ROBO2: variants seen among roughly 807,000 people sequenced by gnomAD.
The protein encoded by ROBO2 is roundabout homolog 2.
In ROBO2, 53 loss-of-function variants were observed where a neutral mutation model predicts 160.8. The ratio of observed to expected loss-of-function variants is 0.33; its 90% CI spans 0.26 to 0.41. The LOEUF (loss-of-function observed/expected upper bound fraction) is 0.41, where lower values mean the gene tolerates loss of function less well. Ranked by LOEUF, ROBO2 falls within the 10% of genes least tolerant of loss-of-function variation. ROBO2 has a pLI of 1.00. For synonymous variants in ROBO2, 664 were observed against 611.7 expected, an observed-to-expected ratio of 1.09 and a Z score of -1.26; for missense variants, 1,577 against 1,722.4, an observed-to-expected ratio of 0.92 and a Z score of 1.49.
intron 2 of ROBO2, among the ~76,000 whole-genome samples, chr3:76,138,981 CA>C (rs2071531280): frequency 6.6e-6 from 1 of 152,226 alleles, no homozygotes; most frequent in East Asian, 1.9e-4. Context: ...GAATGAGCCA[CA>C]AGAGAATGTT....
chr3:76,200,200 C>A (rs1045529833), intron 2 of ROBO2, among the ~76,000 whole-genome samples: 3 of 152,000 alleles, frequency 2.0e-5, no homozygotes, highest in Admixed American at 1.3e-4. Flanking sequence ...GACTTAAATG[C>A]AATCTTAGGC....
intron 2 of ROBO2, among the ~76,000 whole-genome samples, chr3:77,018,869 C>T (rs1373623703): frequency 6.6e-6 from 1 of 152,072 alleles, no homozygotes; most frequent in Non-Finnish European, 1.5e-5. Flanking sequence ...AGGGAAGATA[C>T]AAATCCAAAT....
chr3:76,943,702 C>G (rs940913638), intron 2 of ROBO2, among the ~76,000 whole-genome samples: 1 of 151,636 alleles, frequency 6.6e-6, no homozygotes, highest in African/African-American at 2.4e-5. Flanking sequence ...TGTATCAGTA[C>G]TTTTTTTTTC....
chr3:76,214,959 C>A (rs1169315098), intron 2 of ROBO2, among the ~76,000 whole-genome samples: 1 of 152,116 alleles, frequency 6.6e-6, no homozygotes, highest in Non-Finnish European at 1.5e-5. Flanking sequence ...TCCTCTGAGA[C>A]AAAACTTCCA....
intron 2 of ROBO2, among the ~76,000 whole-genome samples, chr3:76,537,026 GT>G (rs2082544065): frequency 1.3e-5 from 2 of 152,052 alleles, no homozygotes; most frequent in African/African-American, 4.8e-5. Flanking sequence ...GAATTATAAG[GT>G]TGGGGAGTGG....
chr3:77,180,667 A>G (rs1003219026), intron 2 of ROBO2, among the ~76,000 whole-genome samples: 4 of 151,814 alleles, frequency 2.6e-5, no homozygotes, highest in African/African-American at 9.7e-5. Context: ...TAGACACATT[A>G]GGGATGTATT....
intron 2 of ROBO2, among the ~76,000 whole-genome samples, chr3:76,739,355 T>C (rs1485822599): frequency 6.6e-6 from 1 of 151,976 alleles, no homozygotes; most frequent in East Asian, 1.9e-4. Flanking sequence ...TTGGAAATCA[T>C]CATTCTCAGC....
chr3:77,178,693 A>C (rs922894956), intron 2 of ROBO2, among the ~76,000 whole-genome samples: 1 of 152,216 alleles, frequency 6.6e-6, no homozygotes, highest in Non-Finnish European at 1.5e-5. Flanking sequence ...TGCCATGTAC[A>C]TATTTTAAAA....
intron 2 of ROBO2, among the ~76,000 whole-genome samples, chr3:76,555,406 A>AAG (rs1560141250): frequency 5.5e-5 from 4 of 72,700 alleles, no homozygotes; most frequent in Non-Finnish European, 1.6e-4. Flanking sequence ...GAAGAAGAAG[A>AAG]AGAAGAAGAA....
At chr3:77,426,600 GTGTGTGTC>G (rs2078226929) in intron 2 of ROBO2, among the ~76,000 whole-genome samples, 3 of 125,212 alleles carry the variant, frequency 2.4e-5, no homozygotes, top group African/African-American at 8.2e-5. Flanking sequence ...ACATACATAT[GTGTGTGTC>G]TGTGTGTGTG....
chr3:76,992,519 G>T (rs1337999903), intron 2 of ROBO2, among the ~76,000 whole-genome samples: 1 of 151,492 alleles, frequency 6.6e-6, no homozygotes, highest in African/African-American at 2.4e-5. Context: ...ATTGAAGATC[G>T]CACATTCTGA....
chr3:77,221,592 C>G (rs978177429), intron 2 of ROBO2, among the ~76,000 whole-genome samples: 1 of 151,990 alleles, frequency 6.6e-6, no homozygotes, highest in Non-Finnish European at 1.5e-5. Context: ...TCTTATATAT[C>G]TTCTTGTCAT....
chr3:77,293,063 G>A (rs1252667680), intron 2 of ROBO2, among the ~76,000 whole-genome samples: 3 of 150,690 alleles, frequency 2.0e-5, no homozygotes, highest in Non-Finnish European at 2.9e-5. Flanking sequence ...GTAAGCTGAG[G>A]CTAGAGCACT....
intron 2 of ROBO2, among the ~76,000 whole-genome samples, chr3:76,261,451 C>G (rs1383285357): frequency 6.6e-6 from 1 of 151,780 alleles, no homozygotes; most frequent in Non-Finnish European, 1.5e-5. Context: ...TGGGGGGGAA[C>G]TATACTTGCT....
chr3:76,091,344 A>T (rs68138315), intron 2 of ROBO2, among the ~76,000 whole-genome samples: 1 of 152,138 alleles, frequency 6.6e-6, no homozygotes, highest in South Asian at 2.1e-4. Flanking sequence ...TATATTCAGC[A>T]TATATAATTA....
intron 2 of ROBO2, among the ~76,000 whole-genome samples, chr3:75,988,590 A>G (rs1284478668): frequency 6.6e-6 from 1 of 151,972 alleles, no homozygotes; most frequent in Non-Finnish European, 1.5e-5. Flanking sequence ...TTGATTTAAG[A>G]TCTGCATTCT....
chr3:76,588,618 GTTAT>G (rs1218517086), intron 2 of ROBO2, among the ~76,000 whole-genome samples: 3 of 152,110 alleles, frequency 2.0e-5, no homozygotes, highest in Non-Finnish European at 4.4e-5. Context: ...TACAAATAGT[GTTAT>G]TTAATATAAA....
chr3:77,266,976 C>A (rs2153347428), intron 2 of ROBO2, among the ~76,000 whole-genome samples: 1 of 152,120 alleles, frequency 6.6e-6, no homozygotes, highest in East Asian at 1.9e-4. Context: ...TGAGCTGTTC[C>A]AATATTTATT....
chr3:76,547,388 G>C (rs2083168320), intron 2 of ROBO2, among the ~76,000 whole-genome samples: 1 of 151,632 alleles, frequency 6.6e-6, no homozygotes, highest in South Asian at 2.1e-4. Context: ...ATTGTCATTT[G>C]TATAACACCA....
Sources: allele counts gnomAD v4.1 joint callset (sites outside exome capture counted in the v4.1 genomes callset), GRCh38; gene constraint gnomAD v4.1.1; transcripts MANE v1.5; gene names NCBI Gene and HGNC (gene_info 2026-07-23, HGNC 2026-07-21).